PHACTR4: variants seen among roughly 807,000 people sequenced by gnomAD.
The protein encoded by PHACTR4 is protein phosphatase 1, regulatory subunit 124.
PHACTR4 carries 51 observed loss-of-function variants against 72.7 expected under a neutral mutation model. The ratio of observed to expected loss-of-function variants is 0.70; its 90% CI spans 0.56 to 0.89. The LOEUF is 0.89. Ranked by LOEUF, PHACTR4 falls within the 40% of genes least tolerant of loss-of-function variation. The pLI, the probability that PHACTR4 is intolerant of heterozygous loss-of-function variation, is 0.00. For synonymous variants in PHACTR4, 255 were observed against 302.5 expected, an observed-to-expected ratio of 0.84 and a Z score of 1.63; for missense variants, 731 against 861.8, an observed-to-expected ratio of 0.85 and a Z score of 1.90.
intron 1 of PHACTR4, among the ~76,000 whole-genome samples, chr1:28,388,635 AG>A (rs1419010828): frequency 3.3e-5 from 5 of 152,194 alleles, no homozygotes; most frequent in African/African-American, 4.8e-5. Context: ...GCAGATCACG[AG>A]GTCAAGAGAT....
intron 1 of PHACTR4, among the ~76,000 whole-genome samples, chr1:28,379,147 A>ATTTCGCCACATTGCC (rs1651931470): frequency 6.6e-6 from 1 of 151,840 alleles, no homozygotes; most frequent in African/African-American, 2.4e-5. Flanking sequence ...TAGCGATGGG[A>ATTTCGCCACATTGCC]TTTCGCCACA....
intron 2 of PHACTR4, chr1:28,457,880 GT>G: frequency 2.0e-6 from 2 of 982,678 alleles, no homozygotes; most frequent in Non-Finnish European, 2.4e-6. Flanking sequence ...AAGCTGCATT[GT>G]GTACCTTCCT....
At chr1:28,491,083 T>C (rs1347447781) in intron 11 of PHACTR4, 71 bp downstream of exon 11, 2 of 1,480,208 alleles carry the variant, frequency 1.4e-6, no homozygotes, top group Non-Finnish European at 1.9e-6. Flanking sequence ...GGAAATGAAT[T>C]CACAGCTGGG....
intron 2 of PHACTR4, among the ~76,000 whole-genome samples, chr1:28,440,056 C>T (rs1009011429): frequency 1.3e-5 from 2 of 152,120 alleles, no homozygotes; most frequent in Middle Eastern, 3.4e-3. Context: ...AATCCCAGCA[C>T]GTTGGGAGGC....
chr1:28,437,062 G>A (rs566192403), intron 2 of PHACTR4, among the ~76,000 whole-genome samples: 100 of 152,244 alleles, frequency 6.6e-4, no homozygotes, highest in Non-Finnish European at 1.0e-3. Context: ...TGTTTCTAAT[G>A]TTATTAATTC....
chr1:28,377,312 C>T (rs991384461), intron 1 of PHACTR4, among the ~76,000 whole-genome samples: 18 of 148,674 alleles, frequency 1.2e-4, no homozygotes, highest in Non-Finnish European at 2.7e-4. Flanking sequence ...GAACTCAGCA[C>T]ACTGCAACCT....
chr1:28,463,716 T>A (rs74064853), intron 4 of PHACTR4, among the ~76,000 whole-genome samples: 1 of 152,080 alleles, frequency 6.6e-6, no homozygotes, highest in East Asian at 1.9e-4. Context: ...ACTTTGAGCC[T>A]ACACTCCACC....
intron 9 of PHACTR4, among the ~76,000 whole-genome samples, chr1:28,483,324 G>GCT (rs1660398585): frequency 6.6e-6 from 1 of 151,822 alleles, no homozygotes; most frequent in African/African-American, 2.4e-5. Flanking sequence ...GAGCCCAGGA[G>GCT]GGGCTCAAGG....
chr1:28,460,226 A>G lies in PHACTR4; in HGVS notation c.205A>G (p.Ile69Val), dbSNP rs571300371. The G allele has an allele frequency of 1.9e-6, 3 of 1,613,358 alleles. No individual in the cohort carries two copies. Among genetic ancestry groups the G allele is most frequent in the South Asian group, 1.1e-5 (1 of 90,964 alleles). The change falls in exon 4 of 14, where the codon ATA becomes GTA. Residue 69 changes from isoleucine to valine, a missense_variant. By Grantham distance (29) the Ile-to-Val change is conservative (BLOSUM62 3). This residue lies in a region of PHACTR4 where 621 missense variants were observed against 676.6 expected (regional missense o/e 0.92). Transcript: ENST00000373839. ...KETSEVLERKISMRKPREELV... is the reference protein window; with the variant it reads ...KETSEVLERKVSMRKPREELV... ...TTTAATGTTAGTTTTAGAACGGAAA[A>G]TATCTATGCGAAAGCCAAGAGAAGA... is the stretch of plus-strand genomic sequence containing the variant.
chr1:28,405,788 G>A (rs1007144600), intron 1 of PHACTR4, among the ~76,000 whole-genome samples: 1 of 151,836 alleles, frequency 6.6e-6, no homozygotes, highest in African/African-American at 2.4e-5. Flanking sequence ...CTACTCAGGA[G>A]GCTGAGGCAG....
At chr1:28,416,727 G>A (rs1010594130) in intron 2 of PHACTR4, among the ~76,000 whole-genome samples, 1 of 152,150 alleles carries the variant, frequency 6.6e-6, no homozygotes, top group African/African-American at 2.4e-5. Context: ...AATGTGTCAT[G>A]CACCCTGGAC....
intron 4 of PHACTR4, among the ~76,000 whole-genome samples, chr1:28,461,123 G>A (rs2124472640): frequency 6.6e-6 from 1 of 152,170 alleles, no homozygotes; most frequent in Middle Eastern, 3.4e-3. Context: ...GAGTTATGTT[G>A]CATGAGGCAA....
intron 2 of PHACTR4, chr1:28,457,786 T>C: frequency 1.0e-6 from 1 of 979,700 alleles, no homozygotes; most frequent in Non-Finnish European, 1.2e-6. Context: ...TCCACTTTAA[T>C]TTCAGGATGG....
chr1:28,465,023 T>C (rs1305272763), intron 4 of PHACTR4, among the ~76,000 whole-genome samples: 1 of 152,088 alleles, frequency 6.6e-6, no homozygotes, highest in Non-Finnish European at 1.5e-5. Context: ...CTTATTCATA[T>C]AACAACGTAC....
At chr1:28,403,745 C>T (rs1654108851) in intron 1 of PHACTR4, among the ~76,000 whole-genome samples, 1 of 152,084 alleles carries the variant, frequency 6.6e-6, no homozygotes, top group Non-Finnish European at 1.5e-5. Flanking sequence ...AATCTCCTCC[C>T]CACCCACCCC....
At chr1:28,424,871 G>A (rs1174368531) in intron 2 of PHACTR4, among the ~76,000 whole-genome samples, 1 of 151,714 alleles carries the variant, frequency 6.6e-6, no homozygotes, top group African/African-American at 2.4e-5. Flanking sequence ...TAGGCTCACT[G>A]CAACCTCTTC....
Position 28,466,369 on chromosome 1 carries a change from T to C in PHACTR4, c.437-13T>C, listed in dbSNP as rs1659168423. 2 of 1,602,748 alleles carry C rather than the reference T, an allele frequency of 1.2e-6. No homozygotes were observed. The highest frequency in any genetic ancestry group is 1.3e-5 in the African/African-American group (1 of 74,810). On this transcript the variant is annotated splice_polypyrimidine_tract_variant and intron_variant, in intron 5 of 13. Transcript: ENST00000373839. ...CTCTCTTCCCTTTTTATACCATACA[T>C]GTTATTACACAGGCTCAACTGGAAG...
intron 4 of PHACTR4, among the ~76,000 whole-genome samples, chr1:28,460,510 T>C (rs1462688936): frequency 6.7e-6 from 1 of 149,530 alleles, no homozygotes; most frequent in East Asian, 1.9e-4. Flanking sequence ...ATTGCGTGTC[T>C]TTTTTTTCCC....
chr1:28,417,404 A>G (rs995773719), intron 2 of PHACTR4, among the ~76,000 whole-genome samples: 21 of 152,218 alleles, frequency 1.4e-4, no homozygotes, highest in Admixed American at 1.3e-4. Context: ...AACAATAACT[A>G]ATAATAAAAT....
Sources: allele counts gnomAD v4.1 joint callset (sites outside exome capture counted in the v4.1 genomes callset), GRCh38; gene constraint gnomAD v4.1.1; regional missense constraint gnomAD v4.1.1; transcripts MANE v1.5; gene names NCBI Gene and HGNC (gene_info 2026-07-23, HGNC 2026-07-21).